The following IPCEF1 variants were observed in gnomAD, a reference collection of about 807,000 sequenced individuals.
IPCEF1 encodes interaction protein for cytohesin exchange factors 1, also known as interactor protein for cytohesin exchange factors 1.
In IPCEF1, 31 loss-of-function variants were observed where a neutral mutation model predicts 50.9. The ratio of observed to expected loss-of-function variants is 0.61; its 90% CI spans 0.46 to 0.82. The LOEUF (loss-of-function observed/expected upper bound fraction) is 0.82, where lower values mean the gene tolerates loss of function less well. Among genes scored for constraint, IPCEF1 ranks in the 40% least tolerant of loss-of-function variants. IPCEF1 has a pLI of 0.00. For synonymous variants in IPCEF1, 181 were observed against 192.0 expected (o/e 0.94, Z 0.47); for missense variants, 458 against 514.0 (o/e 0.89, Z 1.05).
chr6:154,212,211 CATTA>C (rs1778018057), intron 9 of IPCEF1, among the ~76,000 whole-genome samples: 1 of 152,186 alleles, frequency 6.6e-6, no homozygotes, highest in Non-Finnish European at 1.5e-5. Flanking sequence ...ATAGACTTCA[CATTA>C]ATTAATAATG....
At chr6:154,347,037 T>C (rs1400886557) in intron 1 of IPCEF1, among the ~76,000 whole-genome samples, 2 of 152,196 alleles carry the variant, frequency 1.3e-5, no homozygotes, top group African/African-American at 2.4e-5. Flanking sequence ...GAAGTGTCTT[T>C]GGGAATGAGA....
chr6:154,193,031 G>A (rs1263310902), intron 10 of IPCEF1, among the ~76,000 whole-genome samples: 1 of 152,120 alleles, frequency 6.6e-6, no homozygotes, highest in African/African-American at 2.4e-5. Flanking sequence ...TCTACTCACA[G>A]GAAAAGAAGT....
At chr6:154,356,183 A>C (rs1784214393) in intron 1 of IPCEF1, among the ~76,000 whole-genome samples, 1 of 152,080 alleles carries the variant, frequency 6.6e-6, no homozygotes, top group South Asian at 2.1e-4. Flanking sequence ...TGAACCAACA[A>C]CACCTAGCTT....
intron 1 of IPCEF1, among the ~76,000 whole-genome samples, chr6:154,324,836 G>A (rs531764289): frequency 2.3e-4 from 35 of 151,916 alleles, no homozygotes; most frequent in Admixed American, 8.5e-4. Context: ...CACAAAACCC[G>A]AATTCCAAAA....
intron 1 of IPCEF1, among the ~76,000 whole-genome samples, chr6:154,295,421 G>C (rs973769309): frequency 2.0e-5 from 3 of 152,092 alleles, no homozygotes; most frequent in Non-Finnish European, 1.5e-5. Flanking sequence ...GGTGGCTGCC[G>C]TGCTGCCCCC....
chr6:154,199,540 G>GCC (rs1776906704), intron 10 of IPCEF1, 128 bp downstream of exon 10: 2 of 1,110,162 alleles, frequency 1.8e-6, no homozygotes, highest in Non-Finnish European at 2.5e-6. Flanking sequence ...TCTGGGCATA[G>GCC]CCCCACTTGA....
intron 10 of IPCEF1, among the ~76,000 whole-genome samples, chr6:154,194,372 A>G (rs2281619): frequency 0.68 from 103,536 of 152,106 alleles, 36,014 homozygotes; most frequent in East Asian, 0.89. Context: ...GCACTCCAGC[A>G]TGGGCAACAA....
At chr6:154,257,372 C>T (rs1781488238) in intron 3 of IPCEF1, among the ~76,000 whole-genome samples, 1 of 152,200 alleles carries the variant, frequency 6.6e-6, no homozygotes, top group Non-Finnish European at 1.5e-5. Context: ...AGGCAAACTA[C>T]TTCCTGCTTC....
At chr6:154,263,012 G>A (rs1328718768) in intron 3 of IPCEF1, among the ~76,000 whole-genome samples, 1 of 151,602 alleles carries the variant, frequency 6.6e-6, no homozygotes, top group Non-Finnish European at 1.5e-5. Context: ...CTGACCTTGT[G>A]ATCCACCTGC....
chr6:154,237,160 A>C (rs932982579), intron 5 of IPCEF1, among the ~76,000 whole-genome samples: 3 of 152,216 alleles, frequency 2.0e-5, no homozygotes, highest in Non-Finnish European at 2.9e-5. Flanking sequence ...AAATCTTCAA[A>C]TAAAGACTTC....
chr6:154,202,884 CG>C (rs1449490784), intron 9 of IPCEF1, among the ~76,000 whole-genome samples: 2 of 151,946 alleles, frequency 1.3e-5, no homozygotes, highest in East Asian at 3.8e-4. Flanking sequence ...AGAAGAAACA[CG>C]AAGACTTGGA....
At chr6:154,347,369 T>A (rs1268857296) in intron 1 of IPCEF1, among the ~76,000 whole-genome samples, 1 of 152,190 alleles carries the variant, frequency 6.6e-6, no homozygotes, top group African/African-American at 2.4e-5. Flanking sequence ...TTGAGCCAGG[T>A]TTGAAGTTCC....
intron 5 of IPCEF1, among the ~76,000 whole-genome samples, chr6:154,245,385 G>A (rs991252111): frequency 1.5e-4 from 23 of 152,190 alleles, no homozygotes; most frequent in African/African-American, 5.5e-4. Context: ...CAGAGCAGCA[G>A]AGAGGAGAGT....
chr6:154,251,257 A>T (rs893132743), intron 3 of IPCEF1, among the ~76,000 whole-genome samples: 9 of 152,206 alleles, frequency 5.9e-5, no homozygotes, highest in African/African-American at 2.2e-4. Context: ...AGCAGTAATA[A>T]AAACAATGAC....
intron 3 of IPCEF1, among the ~76,000 whole-genome samples, chr6:154,254,069 T>C (rs747704686): frequency 6.6e-6 from 1 of 152,222 alleles, no homozygotes. Flanking sequence ...CATTGGAATA[T>C]GTATTTATAG....
intron 3 of IPCEF1, among the ~76,000 whole-genome samples, chr6:154,261,001 A>C (rs1288935992): frequency 1.3e-5 from 2 of 152,080 alleles, no homozygotes; most frequent in Non-Finnish European, 2.9e-5. Context: ...AACTATATTG[A>C]AGATTTCCCA....
intron 9 of IPCEF1, among the ~76,000 whole-genome samples, chr6:154,210,649 T>C (rs1777885610): frequency 1.3e-5 from 2 of 152,322 alleles, no homozygotes; most frequent in East Asian, 3.9e-4. Context: ...AAAAGCTTTT[T>C]CTAAAATCCA....
chr6:154,238,358 C>T (rs968692955), intron 5 of IPCEF1, among the ~76,000 whole-genome samples: 8 of 152,048 alleles, frequency 5.3e-5, no homozygotes, highest in Admixed American at 2.0e-4. Flanking sequence ...CAGGTTCAAG[C>T]GATTCTCCTG....
intron 2 of IPCEF1, among the ~76,000 whole-genome samples, chr6:154,268,513 A>G (rs896645870): frequency 1.3e-5 from 2 of 152,068 alleles, no homozygotes; most frequent in African/African-American, 2.4e-5. Flanking sequence ...TCCCTCTTGG[A>G]CCACTGCAAG....
Sources: allele counts gnomAD v4.1 joint callset (sites outside exome capture counted in the v4.1 genomes callset), GRCh38; gene constraint gnomAD v4.1.1; transcripts MANE v1.5; gene names NCBI Gene and HGNC (gene_info 2026-07-23, HGNC 2026-07-21).